The following EIF2S1 variants were observed in gnomAD, a reference collection of about 807,000 sequenced individuals.
EIF2S1 encodes eukaryotic translation initiation factor 2 subunit alpha.
EIF2S1 carries 5 observed loss-of-function variants against 33.5 expected under a neutral mutation model. That is an observed-to-expected ratio of 0.15 (90% CI 0.08 to 0.31). The LOEUF (loss-of-function observed/expected upper bound fraction) is 0.31, where lower values mean the gene tolerates loss of function less well. EIF2S1 is among the 10% of genes least tolerant of loss of function. The pLI is 1.00. For synonymous variants in EIF2S1, 99 were observed against 127.5 expected, an observed-to-expected ratio of 0.78 and a Z score of 1.51; for missense variants, 191 against 384.6, an observed-to-expected ratio of 0.50 and a Z score of 4.21.
At chr14:67,362,199 TA>T (rs1217254735) in intron 1 of EIF2S1, among the ~76,000 whole-genome samples, 2 of 151,866 alleles carry the variant, frequency 1.3e-5, no homozygotes, top group Non-Finnish European at 2.9e-5. Flanking sequence ...TTGGTATTTT[TA>T]GTAGAAATGG....
At chr14:67,372,641 C>T (rs879259481) in intron 2 of EIF2S1, among the ~76,000 whole-genome samples, 3 of 151,962 alleles carry the variant, frequency 2.0e-5, no homozygotes, top group Admixed American at 1.3e-4. Context: ...CTATCCTGGC[C>T]AACATGGTGA....
At position 67,374,955 on chromosome 14, in the gene EIF2S1, C is replaced by T. The variant is rs2085848748; in HGVS notation, c.321+408C>T. Among the ~76,000 whole-genome samples, 3 of 152,194 alleles carry T rather than the reference C, an allele frequency of 2.0e-5. 1 individual carries two copies. The South Asian group carries it at 6.2e-4, about 32-fold the overall frequency. On this transcript the variant is annotated intron_variant, in intron 3 of 7. Transcript: ENST00000256383. ...TGTTCTGGGATGAGGGTAACGGAGA[C>T]AACCAGCTGTTATATGTTAAGAATG...
At position 67,382,820 on chromosome 14, in the gene EIF2S1, A is replaced by C. The variant is rs1167635067; in HGVS notation, c.822+230A>C. 6 of 538,682 alleles carry C rather than the reference A, an allele frequency of 1.1e-5. No homozygotes were observed. In the East Asian group the frequency reaches 1.3e-4, roughly 12 times the overall value. The allele number at this position is 538,682 out of a possible 1,614,324, so 33.4% of individuals were successfully genotyped here. A position where few individuals can be genotyped will look rare whatever the true frequency, so the allele number is the denominator to read the frequency against. The stretch of plus-strand genomic sequence containing the variant: ...TTGAATTTGCATGTGGCATGTCTAA[A>C]ATTTGATCTCAGAATTGGAGAAAAA... On this transcript the variant is annotated intron_variant, in intron 7 of 7. Coordinates refer to ENST00000256383, the MANE Select transcript of EIF2S1 (RefSeq NM_004094.5).
At chr14:67,367,785 A>G (rs1007291300) in intron 2 of EIF2S1, among the ~76,000 whole-genome samples, 1 of 151,950 alleles carries the variant, frequency 6.6e-6, no homozygotes, top group Non-Finnish European at 1.5e-5. Flanking sequence ...GCAGTGAGCC[A>G]AGATTGCACC....
At chr14:67,361,280 T>C (rs2141122300) in intron 1 of EIF2S1, among the ~76,000 whole-genome samples, 1 of 152,344 alleles carries the variant, frequency 6.6e-6, no homozygotes. Flanking sequence ...TTCCCCTCAA[T>C]TGAGTTGTTA....
At chr14:67,380,561 A>T (rs956491150) in intron 4 of EIF2S1, 98 bp from the exon 5 acceptor site, 3 of 537,542 alleles carry the variant, frequency 5.6e-6, no homozygotes, top group South Asian at 5.7e-5. Context: ...TAACTATTAT[A>T]TGCTTAACTA....
chr14:67,382,767 C>G, intron 7 of EIF2S1, 177 bp downstream of exon 7: 2 of 641,140 alleles, frequency 3.1e-6, no homozygotes, highest in Non-Finnish European at 5.3e-6. Context: ...AGGGAATAAA[C>G]AATATAAATG....
At chr14:67,381,775 TAA>T in intron 6 of EIF2S1, 85 bp downstream of exon 6, 5 of 922,732 alleles carry the variant, frequency 5.4e-6, no homozygotes, top group East Asian at 2.5e-5. Context: ...TTTTTTTTTT[TAA>T]TCACATTTCA....
At chr14:67,378,823 A>C (rs72719118) in intron 4 of EIF2S1, among the ~76,000 whole-genome samples, 5,229 of 152,328 alleles carry the variant, frequency 0.034, 109 homozygotes, top group East Asian at 0.06. Context: ...TTTCTGACAT[A>C]GTTGGAAACA....
chr14:67,382,774 A>C, intron 7 of EIF2S1, 184 bp downstream of exon 7: 1 of 612,704 alleles, frequency 1.6e-6, no homozygotes, highest in Non-Finnish European at 2.8e-6. Flanking sequence ...AAACAATATA[A>C]ATGAGAAGTT....
At chr14:67,381,291 A>G (rs1040857439) in intron 5 of EIF2S1, among the ~76,000 whole-genome samples, 1 of 152,186 alleles carries the variant, frequency 6.6e-6, no homozygotes, top group East Asian at 1.9e-4. Context: ...TAGCACCCTT[A>G]TATTATACAT....
In EIF2S1 at chr14:67,381,575, GA is replaced by G; in HGVS notation, c.581-16del. 6.3e-7 allele frequency: 1 copy of G among 1,597,472 alleles called. No individual in the cohort carries two copies. Among genetic ancestry groups the G allele is most frequent in the Non-Finnish European group, 8.5e-7 (1 of 1,170,280 alleles). ...TTTTTTGCATTTTTTATCAACTTTT[GA>G]ATTTTTGTAATTGTAGATATTGAAG... is the stretch of plus-strand genomic sequence containing the variant. On this transcript the variant is annotated splice_polypyrimidine_tract_variant and intron_variant, in intron 5 of 7. Transcript: ENST00000256383.
intron 4 of EIF2S1, among the ~76,000 whole-genome samples, chr14:67,378,255 T>TC (rs2085867960): frequency 6.8e-6 from 1 of 147,324 alleles, no homozygotes; most frequent in Non-Finnish European, 1.5e-5. Flanking sequence ...CCATTAAGAG[T>TC]CCCCCAGAAA....
At chr14:67,377,265 T>C (rs1352929013) in intron 4 of EIF2S1, among the ~76,000 whole-genome samples, 1 of 152,212 alleles carries the variant, frequency 6.6e-6, no homozygotes, top group Admixed American at 6.5e-5. Context: ...TCCTGCCTTC[T>C]CTGTACTTGT....
chr14:67,383,616 T>C lies in EIF2S1; in HGVS notation c.*176T>C. ...AAATGCCCTCCTAAATGTCAGCTGT[T>C]GTCACACAGTAGCTCCAACACTTTG... On this transcript the variant is annotated 3_prime_UTR_variant, in exon 8 of 8. Coordinates refer to ENST00000256383, the MANE Select transcript of EIF2S1 (RefSeq NM_004094.5). 1 of 828,832 alleles carries C rather than the reference T, an allele frequency of 1.2e-6. No homozygotes were observed. Among genetic ancestry groups the C allele is most frequent in the South Asian group, 1.5e-5 (1 of 68,292 alleles). The allele number at this position is 828,832 out of a possible 1,614,324, so 51.3% of individuals were successfully genotyped here.
chr14:67,361,224 A>G (rs1463152714), intron 1 of EIF2S1, among the ~76,000 whole-genome samples: 1 of 152,236 alleles, frequency 6.6e-6, no homozygotes, highest in Non-Finnish European at 1.5e-5. Flanking sequence ...TTATTAAGCA[A>G]AAAACATGGT....
At chr14:67,365,988 A>G (rs145794384) in intron 2 of EIF2S1, among the ~76,000 whole-genome samples, 10 of 152,292 alleles carry the variant, frequency 6.6e-5, no homozygotes, top group South Asian at 4.1e-4. Flanking sequence ...GCCCCGCCCA[A>G]AATTATTAAA....
chr14:67,363,824 C>T (rs1051998423), intron 1 of EIF2S1, among the ~76,000 whole-genome samples: 1 of 152,134 alleles, frequency 6.6e-6, no homozygotes, highest in African/African-American at 2.4e-5. Flanking sequence ...CCTTTAAGTT[C>T]TGTTACTACC....
chr14:67,365,648 A>G (rs1208375853), intron 2 of EIF2S1, among the ~76,000 whole-genome samples: 1 of 152,170 alleles, frequency 6.6e-6, no homozygotes, highest in East Asian at 1.9e-4. Context: ...TTTTTTAAAC[A>G]TGGTGTACAA....
Sources: gnomAD v4.1 joint callset for allele counts (sites outside exome capture counted in the v4.1 genomes callset) on GRCh38, gnomAD v4.1.1 for gene constraint, MANE v1.5 for transcripts, NCBI Gene and HGNC (gene_info 2026-07-23, HGNC 2026-07-21) for gene names.